The following SLC25A32 variants were observed in gnomAD, a reference collection of about 807,000 sequenced individuals.
SLC25A32 encodes Glycine auxotroph B, complementation of hamster.
A neutral mutation model predicts 39.0 loss-of-function variants in SLC25A32; 32 were observed. The observed-to-expected ratio is 0.82, with a 90% CI of 0.62 to 1.10. The LOEUF (loss-of-function observed/expected upper bound fraction) is 1.10. Among genes scored for constraint, SLC25A32 ranks in the 50% least tolerant of loss-of-function variants. The pLI is 0.00. For missense variants in SLC25A32, 367 were observed against 395.3 expected (o/e 0.93, Z 0.61); for synonymous variants, 166 against 152.4 (o/e 1.09, Z -0.66).
chr8:103,405,661 CTTT>C (rs915197286), intron 2 of SLC25A32, among the ~76,000 whole-genome samples: 13 of 146,404 alleles, frequency 8.9e-5, no homozygotes, highest in African/African-American at 3.2e-4. Flanking sequence ...CACATTCTTT[CTTT>C]TTTTTTTTAT....
intron 1 of SLC25A32, among the ~76,000 whole-genome samples, chr8:103,411,519 T>C (rs1245606396): frequency 2.6e-5 from 4 of 152,154 alleles, no homozygotes; most frequent in African/African-American, 9.7e-5. Context: ...CAAAGGCACT[T>C]TGGAGTTCTC....
chr8:103,403,193 T>G lies in SLC25A32; in HGVS notation c.523A>C (p.Lys175Gln). ...GMFDTLVKIYKYEGVRGLYKG... is the reference protein window; with the variant it reads ...GMFDTLVKIYQYEGVRGLYKG... The stretch of plus-strand genomic sequence containing the variant: ...TATAATCCACGCACACCTTCATACT[T>G]ATATATTTTCACAAGTGTATCAAAC... The change falls in exon 4 of 7, where the codon AAG becomes CAG. Residue 175 changes from lysine (K) to glutamine (Q), a missense_variant. Physicochemically the swap from Lys to Gln is moderately conservative, Grantham distance 53 (BLOSUM62 1). Transcript: ENST00000297578. The G allele has an allele frequency of 6.2e-7, 1 of 1,610,554 alleles. No homozygotes were observed. Among genetic ancestry groups the G allele is most frequent in the Non-Finnish European group, 8.5e-7 (1 of 1,177,318 alleles).
rs1312494384 is a variant in SLC25A32, at chr8:103,403,294, A to G, written c.422T>C (p.Leu141Ser). Reference protein sequence around the residue: ...GAMTLCITNPLWVTKTRLMLQ... With the variant: ...GAMTLCITNPSWVTKTRLMLQ... ...CATAAGGCGAGTTTTTGTTACCCAT[A>G]ATGGGTTTGTAATGCAGAGGGTCAT... The change falls in exon 4 of 7, where the codon TTA becomes TCA. Residue 141 changes from leucine to serine, a missense_variant. Physicochemically the swap from Leu to Ser is moderately radical, Grantham distance 145 (BLOSUM62 -2). Transcript: ENST00000297578. The G allele has an allele frequency of 1.9e-6, 3 of 1,612,492 alleles. No individual in the cohort carries two copies. The South Asian group carries it at 3.3e-5, about 18-fold the overall frequency.
At chr8:103,401,140 T>C (rs1816210469) in intron 6 of SLC25A32, among the ~76,000 whole-genome samples, 2 of 152,232 alleles carry the variant, frequency 1.3e-5, no homozygotes, top group African/African-American at 4.8e-5. Flanking sequence ...GAAACAAGTA[T>C]TTGCAAAAGT....
intron 2 of SLC25A32, among the ~76,000 whole-genome samples, chr8:103,406,646 G>A (rs1816338881): frequency 6.6e-6 from 1 of 152,222 alleles, no homozygotes; most frequent in South Asian, 2.1e-4. Flanking sequence ...GATGGGGCAG[G>A]TCAAACAAGA....
At chr8:103,401,452 A>T in intron 6 of SLC25A32, 64 bp downstream of exon 6, 1 of 1,481,170 alleles carries the variant, frequency 6.8e-7, no homozygotes. Flanking sequence ...TAGTATCAAC[A>T]GGATGGTCTA....
In SLC25A32 at chr8:103,399,514, T is replaced by C. The variant is rs1242123632; in HGVS notation, c.*897A>G. 6.6e-6 allele frequency: 1 copy of C among 152,228 alleles called. No homozygotes were observed. The highest frequency in any genetic ancestry group is 1.5e-5 in the Non-Finnish European group (1 of 68,038). 9.4% of individuals were successfully genotyped at this position (152,228 alleles called of 1,614,324 possible). The stretch of plus-strand genomic sequence containing the variant: ...ATGTCAGATATTTCTCTGAGAAGTA[T>C]ATAGTTTCTCAATTTTCGCTAGGTA... On this transcript the variant is annotated 3_prime_UTR_variant, in exon 7 of 7. Transcript: ENST00000297578.
chr8:103,407,716 G>C lies in SLC25A32; in HGVS notation c.223C>G (p.Leu75Val). The part of the protein sequence containing the change: ...ILHCLTTIWK[L>V]DGLRGLYQGV... Reference sequence around the variant, plus strand: ...TGATAAAGTCCCCGTAGTCCATCAAGTTTCCAAATGGTAGTCAAGCAATGT... The same window carrying C: ...TGATAAAGTCCCCGTAGTCCATCAACTTTCCAAATGGTAGTCAAGCAATGT... Residue 75 changes from leucine (L) to valine (V), a missense_variant, in exon 2 of 7, where the codon CTT (leucine) becomes GTT (valine). Coordinates refer to ENST00000297578, the MANE Select transcript of SLC25A32 (RefSeq NM_030780.5). 1 of 1,613,196 alleles carries C rather than the reference G, an allele frequency of 6.2e-7. No individual in the cohort carries two copies. The highest frequency in any genetic ancestry group is 2.2e-5 in the East Asian group (1 of 44,802).
chr8:103,414,015 C>A (rs1180529678), intron 1 of SLC25A32, among the ~76,000 whole-genome samples: 1 of 152,190 alleles, frequency 6.6e-6, no homozygotes, highest in Admixed American at 6.5e-5. Flanking sequence ...ATACAGCAGT[C>A]TACAAATATT....
At chr8:103,410,451 G>A (rs1048036764) in intron 1 of SLC25A32, among the ~76,000 whole-genome samples, 3 of 152,090 alleles carry the variant, frequency 2.0e-5, no homozygotes, top group Non-Finnish European at 4.4e-5. Context: ...ACAGAATCTC[G>A]AACCCTATTG....
rs1816191468 is a variant in SLC25A32 at position 103,400,397 on chromosome 8, T to C, written c.*14A>G. ...CTGCCTTGGGCAGATATACTGGAAT[T>C]GTCCTCTTTGAGCTTACTTTCTCTT... On this transcript the variant is annotated 3_prime_UTR_variant, in exon 7 of 7. Coordinates refer to ENST00000297578, the MANE Select transcript of SLC25A32 (RefSeq NM_030780.5). 6.2e-7 allele frequency: 1 copy of C among 1,613,922 alleles called. No individual in the cohort carries two copies. The highest frequency in any genetic ancestry group is 1.3e-5 in the African/African-American group (1 of 74,944).
At chr8:103,401,033 C>T (rs1285025684) in intron 6 of SLC25A32, among the ~76,000 whole-genome samples, 3 of 152,134 alleles carry the variant, frequency 2.0e-5, no homozygotes, top group Non-Finnish European at 4.4e-5. Context: ...TAAATGTTCT[C>T]CTCTGTTCCT....
At chr8:103,410,075 T>C (rs1816430052) in intron 1 of SLC25A32, among the ~76,000 whole-genome samples, 2 of 152,188 alleles carry the variant, frequency 1.3e-5, no homozygotes, top group African/African-American at 4.8e-5. Context: ...TTCTAAGAAC[T>C]TTCCATTTTC....
intron 5 of SLC25A32, 88 bp from the exon 6 acceptor site, chr8:103,401,749 A>G: frequency 8.2e-7 from 1 of 1,216,620 alleles, no homozygotes; most frequent in African/African-American, 1.5e-5. Flanking sequence ...AAACATTTAA[A>G]TGGATCTTTA....
chr8:103,404,728 A>T, intron 3 of SLC25A32, 48 bp downstream of exon 3: 1 of 1,406,184 alleles, frequency 7.1e-7, no homozygotes, highest in Middle Eastern at 1.8e-4. Flanking sequence ...CCAAAACTGA[A>T]AATTAAGTTT....
rs199996323 is a variant in SLC25A32 at position 103,403,244 on chromosome 8, A to C, written c.472T>G (p.Ser158Ala). ...LMLQYDAVVNSPHRQYKGMFD... is the reference protein window; with the variant it reads ...LMLQYDAVVNAPHRQYKGMFD... ...ATTCCTTTATATTGTCGGTGTGGGG[A>C]GTTAACAACAGCATCATACTGTAAC... Residue 158 changes from serine to alanine, a missense_variant, in exon 4 of 7, where the codon TCC becomes GCC. Coordinates refer to ENST00000297578, the MANE Select transcript of SLC25A32 (RefSeq NM_030780.5). 9.9e-6 allele frequency: 16 copies of C among 1,612,588 alleles called. No homozygotes were observed. Among genetic ancestry groups the C allele is most frequent in the Admixed American group, 1.7e-5 (1 of 59,986 alleles).
chr8:103,409,958 GGCA>G (rs1314415492), intron 1 of SLC25A32, among the ~76,000 whole-genome samples: 1 of 152,168 alleles, frequency 6.6e-6, no homozygotes, highest in Admixed American at 6.5e-5. Flanking sequence ...TTTAAAGGCA[GGCA>G]GCAGAATGAC....
intron 2 of SLC25A32, among the ~76,000 whole-genome samples, chr8:103,405,073 A>G (rs192685041): frequency 6.6e-6 from 1 of 152,352 alleles, no homozygotes; most frequent in Admixed American, 6.5e-5. Flanking sequence ...CTAGCAATAC[A>G]AATGTAAAAT....
rs750253444 is a variant in SLC25A32 at position 103,415,036 on chromosome 8, A to G, written c.-99T>C. ...GCGACGGTCGCCCCTTGTGAGCGCA[A>G]CCCCACCTCCGGGACCAACGAGAGG... On this transcript the variant is annotated 5_prime_UTR_variant, in exon 1 of 7. Transcript: ENST00000297578. The G allele has an allele frequency of 5.4e-5, 86 of 1,593,520 alleles. No individual in the cohort carries two copies. The highest frequency in any genetic ancestry group is 1.7e-4 in the Middle Eastern group (1 of 5,966).
Sources: gnomAD v4.1 joint callset for allele counts (sites outside exome capture counted in the v4.1 genomes callset) on GRCh38, gnomAD v4.1.1 for gene constraint, MANE v1.5 for transcripts, NCBI Gene and HGNC (gene_info 2026-07-23, HGNC 2026-07-21) for gene names.